Variants in AQR observed in about 807,000 individuals in gnomAD.
AQR encodes aquarius intron-binding spliceosomal factor, also known as RNA helicase aquarius.
In AQR, 61 loss-of-function variants were observed where a neutral mutation model predicts 180.5. That is an observed-to-expected ratio of 0.34 (90% confidence interval 0.28 to 0.42). AQR has a LOEUF of 0.42. Among genes scored for constraint, AQR ranks in the 10% least tolerant of loss-of-function variants. The pLI is 1.00. For synonymous variants in AQR, 551 were observed against 588.8 expected (o/e 0.94, Z 0.93); for missense variants, 1,281 against 1,798.3 (o/e 0.71, Z 5.20).
chr15:34,950,860 G>C (rs901881008), intron 4 of AQR, among the ~76,000 whole-genome samples: 1 of 152,030 alleles, frequency 6.6e-6, no homozygotes, highest in Non-Finnish European at 1.5e-5. Flanking sequence ...CTTTATAACT[G>C]TTTCTGCCAG....
intron 24 of AQR, among the ~76,000 whole-genome samples, chr15:34,889,551 G>A (rs1007291047): frequency 6.3e-4 from 96 of 152,250 alleles, no homozygotes; most frequent in African/African-American, 2.1e-3. Flanking sequence ...GAAGAAATCC[G>A]ACTTGTAAAG....
intron 16 of AQR, among the ~76,000 whole-genome samples, chr15:34,910,940 A>G (rs1893490504): frequency 6.6e-6 from 1 of 152,002 alleles, no homozygotes; most frequent in Non-Finnish European, 1.5e-5. Context: ...ACATGACCCC[A>G]TTTTCCCCAC....
At chr15:34,903,633 G>T (rs1179049536) in intron 19 of AQR, among the ~76,000 whole-genome samples, 1 of 151,996 alleles carries the variant, frequency 6.6e-6, no homozygotes. Flanking sequence ...ACAACAACAG[G>T]GTTACATAAA....
intron 10 of AQR, among the ~76,000 whole-genome samples, chr15:34,933,205 T>G (rs1165868298): frequency 6.6e-6 from 1 of 152,130 alleles, no homozygotes; most frequent in Non-Finnish European, 1.5e-5. Context: ...ATTTTATAGA[T>G]GAAGTTATTG....
At chr15:34,900,554 A>C (rs1893316105) in intron 20 of AQR, 68 bp downstream of exon 20, 12 of 1,536,528 alleles carry the variant, frequency 7.8e-6, no homozygotes, top group Non-Finnish European at 9.6e-6. Flanking sequence ...TTTAGCTAAC[A>C]ATCCTGATGG....
At chr15:34,930,435 T>C in intron 11 of AQR, 64 bp from the exon 12 acceptor site, 1 of 914,624 alleles carries the variant, frequency 1.1e-6, no homozygotes, top group Non-Finnish European at 1.7e-6. Flanking sequence ...ACAATACTGT[T>C]TAAAATAATA....
At position 34,946,713 on chromosome 15, in the gene AQR, T is replaced by TCAGCCCCCCACCCGGC. The variant is rs1294719786; in HGVS notation, c.330+1535_330+1550dup. Among the ~76,000 whole-genome samples the TCAGCCCCCCACCCGGC allele has an allele frequency of 7.1e-5, 5 of 70,304 alleles. No homozygotes were observed. In the East Asian group the frequency reaches 2.3e-3, roughly 32 times the overall value. The allele number at this position is 70,304 out of a possible 152,430, so 46.1% of individuals were successfully genotyped here. On this transcript the variant is annotated intron_variant, in intron 5 of 34. Coordinates refer to ENST00000156471, the MANE Select transcript of AQR (RefSeq NM_014691.3). The stretch of plus-strand genomic sequence containing the variant: ...CCCGTCCGGGAGGGAGGTGGGGGGG[T>TCAGCCCCCCACCCGGC]CAGCCCCCCACCCGGCCAGCCGCCC...
chr15:34,870,954 C>T, intron 30 of AQR, 32 bp from the exon 31 acceptor site: 1 of 1,580,948 alleles, frequency 6.3e-7, no homozygotes, highest in Non-Finnish European at 8.6e-7. Flanking sequence ...ACTGTGCATT[C>T]ATTTGCTTTT....
intron 24 of AQR, 71 bp from the exon 25 acceptor site, chr15:34,886,732 T>C: frequency 4.1e-6 from 6 of 1,447,606 alleles, no homozygotes; most frequent in Non-Finnish European, 5.6e-6. Context: ...TCAGCAAAAT[T>C]CAAGAAAATC....
rs201062230 is a variant in AQR at position 34,874,814 on chromosome 15, A to G, written c.3288T>C (p.Asp1096=). Residue 1096 remains aspartate (D), a synonymous_variant, in exon 29 of 35, where the codon GAT becomes GAC. Coordinates refer to ENST00000156471, the MANE Select transcript of AQR (RefSeq NM_014691.3). ...SRLKRWIMIG[D]HHQLPPVIKN... ...TAATAACTGGAGGTAACTGGTGATG[A>G]TCGCCAATCATAATCCATCGTTTTA... 412 of 1,613,764 alleles carry G rather than the reference A, an allele frequency of 2.6e-4. 1 individual carries two copies. The highest frequency in any genetic ancestry group is 3.3e-4 in the Non-Finnish European group (393 of 1,179,834).
intron 1 of AQR, chr15:34,964,541 C>T: frequency 1.8e-6 from 1 of 568,794 alleles, no homozygotes; most frequent in Non-Finnish European, 3.3e-6. Context: ...CCTCTCCAAC[C>T]ACCCTAGAGA....
rs146559213 is a variant in AQR, at chr15:34,948,936, G to A, written c.210-552C>T. 1.4e-4 allele frequency among the ~76,000 whole-genome samples: 21 copies of A among 151,966 alleles called. No homozygotes were observed. In the East Asian group the frequency reaches 3.1e-3, roughly 22 times the overall value. On this transcript the variant is annotated intron_variant, in intron 4 of 34. Coordinates refer to ENST00000156471, the MANE Select transcript of AQR (RefSeq NM_014691.3). ...AAATTCAAATAAAAAGGTATCAAAC[G>A]TTGCCAACATACATAATTATCACCA...
In AQR at chr15:34,925,266, T is replaced by C. The variant is rs186171740; in HGVS notation, c.1118+1769A>G. On this transcript the variant is annotated intron_variant, in intron 13 of 34. Coordinates refer to ENST00000156471, the MANE Select transcript of AQR (RefSeq NM_014691.3). ...GCCAAGAAAAAAACAGAAAAATGCT[T>C]AATTTCCCAAATAAGATCAGGGAAA... Among the ~76,000 whole-genome samples, 6 of 152,226 alleles carry C rather than the reference T, an allele frequency of 3.9e-5. No individual in the cohort carries two copies. The East Asian group carries it at 1.2e-3, about 29-fold the overall frequency.
At chr15:34,921,200 C>A (rs1344415333) in intron 13 of AQR, among the ~76,000 whole-genome samples, 1 of 152,020 alleles carries the variant, frequency 6.6e-6, no homozygotes, top group Non-Finnish European at 1.5e-5. Flanking sequence ...TACTTTGAGG[C>A]CGAGGTGGGC....
rs1422316651 is a variant in AQR at position 34,854,291 on chromosome 15, A to G, written c.*2501T>C. 1 of 152,170 alleles carries G rather than the reference A, an allele frequency of 6.6e-6. No individual in the cohort carries two copies. The highest frequency in any genetic ancestry group is 1.9e-4 in the East Asian group (1 of 5,196). The allele number at this position is 152,170 out of a possible 1,614,324, so 9.4% of individuals were successfully genotyped here. On this transcript the variant is annotated 3_prime_UTR_variant, in exon 35 of 35. Coordinates refer to ENST00000156471, the MANE Select transcript of AQR (RefSeq NM_014691.3). ...AATCATGACACATTTAGATATGAAA[A>G]ATAGGATGGAGAGCAATGGGAACAC...
At chr15:34,900,943 G>T in intron 19 of AQR, 80 bp from the exon 20 acceptor site, 1 of 1,484,400 alleles carries the variant, frequency 6.7e-7, no homozygotes, top group Non-Finnish European at 9.0e-7. Flanking sequence ...AGAGCTGGCT[G>T]CACTAATCCA....
intron 12 of AQR, among the ~76,000 whole-genome samples, chr15:34,928,293 T>G (rs772619378): frequency 6.6e-6 from 1 of 152,120 alleles, no homozygotes; most frequent in Non-Finnish European, 1.5e-5. Context: ...TAGGTATACA[T>G]GTGCCATGGT....
chr15:34,934,779 A>T, intron 9 of AQR, 144 bp from the exon 10 acceptor site: 1 of 477,722 alleles, frequency 2.1e-6, no homozygotes, highest in South Asian at 4.8e-5. Context: ...TAGAATGAGG[A>T]TCTCACATAT....
intron 17 of AQR, among the ~76,000 whole-genome samples, chr15:34,908,227 G>A (rs1249284741): frequency 6.6e-6 from 1 of 152,120 alleles, no homozygotes. Flanking sequence ...TGAGGCAGGT[G>A]GATCACAAGA....
Sources: gnomAD v4.1 joint callset for allele counts (sites outside exome capture counted in the v4.1 genomes callset) on GRCh38, gnomAD v4.1.1 for gene constraint, MANE v1.5 for transcripts, NCBI Gene and HGNC (gene_info 2026-07-23, HGNC 2026-07-21) for gene names.